CAMK4: variants seen among roughly 807,000 people sequenced by gnomAD.
CAMK4 encodes the protein calcium/calmodulin dependent protein kinase IV, also known as calcium/calmodulin-dependent protein kinase type IV.
CAMK4 carries 22 observed loss-of-function variants against 44.9 expected under a neutral mutation model. The observed-to-expected ratio is 0.49, with a 90% confidence interval of 0.35 to 0.70. The LOEUF (loss-of-function observed/expected upper bound fraction) is 0.70. Ranked by LOEUF, CAMK4 falls within the 30% of genes least tolerant of loss-of-function variation. The pLI is 0.01. For synonymous variants in CAMK4, 218 were observed against 215.4 expected, an observed-to-expected ratio of 1.01 and a Z score of -0.11; for missense variants, 498 against 586.8, an observed-to-expected ratio of 0.85 and a Z score of 1.56.
chr5:111,484,051 C>A lies in CAMK4; in HGVS notation c.1007C>A (p.Ser336Tyr). The A allele has an allele frequency of 1.3e-6, 2 of 1,599,098 alleles. No homozygotes were observed. Among genetic ancestry groups the A allele is most frequent in the Non-Finnish European group, 1.7e-6 (2 of 1,172,406 alleles). ...LKAAVKAVVASSRLGSASSSH... is the reference protein window; with the variant it reads ...LKAAVKAVVAYSRLGSASSSH... ...GCAGCGGTGAAGGCTGTGGTGGCCTCTTCGCGCCTGGGAAGTGCCAGCAGC... is the reference window on the plus strand; with the variant it reads ...GCAGCGGTGAAGGCTGTGGTGGCCTATTCGCGCCTGGGAAGTGCCAGCAGC... Residue 336 changes from serine (S) to tyrosine (Y), a missense_variant, in exon 11 of 11, where the codon TCT (serine) becomes TAT (tyrosine). Ser to Tyr is a moderately radical substitution (Grantham distance 144). Around this residue, in one of 3 missense-constraint regions of CAMK4, gnomAD observed 203 missense variants for 298.2 expected, o/e 0.68. Transcript: ENST00000282356. This position sits in a 1 kb window ranked among gnomAD's most constrained non-coding sequence, Gnocchi z 5.3.
chr5:111,336,771 A>C (rs1415081415), intron 1 of CAMK4, among the ~76,000 whole-genome samples: 2 of 151,186 alleles, frequency 1.3e-5, no homozygotes, highest in African/African-American at 4.8e-5. Flanking sequence ...TTCCATAAGA[A>C]TGAAAATTAG....
At chr5:111,339,197 T>A (rs1338193485) in intron 1 of CAMK4, among the ~76,000 whole-genome samples, 2 of 151,364 alleles carry the variant, frequency 1.3e-5, no homozygotes, top group African/African-American at 4.8e-5. Flanking sequence ...ATTCTGCTGA[T>A]TGTCTCCTTG....
intron 5 of CAMK4, among the ~76,000 whole-genome samples, chr5:111,395,443 G>T (rs78602075): frequency 0.035 from 5,133 of 147,590 alleles, 112 homozygotes; most frequent in South Asian, 0.068. Flanking sequence ...GAGTTTGTTT[G>T]TTCATTGCTT....
chr5:111,420,474 A>C (rs755353319), intron 5 of CAMK4, among the ~76,000 whole-genome samples: 1 of 152,096 alleles, frequency 6.6e-6, no homozygotes, highest in African/African-American at 2.4e-5. Flanking sequence ...TTCCAACACT[A>C]TATTGAATAG....
chr5:111,238,924 C>G (rs183485424), intron 1 of CAMK4, among the ~76,000 whole-genome samples: 1 of 148,170 alleles, frequency 6.7e-6, no homozygotes, highest in Non-Finnish European at 1.5e-5. Context: ...CACTTCCACT[C>G]GTGCCTTCCA....
chr5:111,266,406 G>T (rs139227129), intron 1 of CAMK4, among the ~76,000 whole-genome samples: 115 of 151,828 alleles, frequency 7.6e-4, no homozygotes, highest in African/African-American at 2.7e-3. Context: ...TTGCTTTTTG[G>T]TGTATTTTAC....
At position 111,492,845 on chromosome 5, in the gene CAMK4, T is replaced by TA. The variant is rs2112522039; in HGVS notation, c.*8379_*8380insA. The TA allele has an allele frequency of 6.6e-6, 1 of 152,206 alleles. No homozygotes were observed. Among genetic ancestry groups the TA allele is most frequent in the South Asian group, 2.1e-4 (1 of 4,828 alleles). The allele number at this position is 152,206 out of a possible 1,614,324, so 9.4% of individuals were successfully genotyped here. A position where few individuals can be genotyped will look rare whatever the true frequency, so the allele number is the denominator to read the frequency against. The stretch of plus-strand genomic sequence containing the variant: ...ATACAACCTGTACATATATAACCTA[T>TA]GCTGCATTTAGGCAGATGATAAGCC... On this transcript the variant is annotated 3_prime_UTR_variant, in exon 11 of 11. Coordinates refer to ENST00000282356, the MANE Select transcript of CAMK4 (RefSeq NM_001744.6).
chr5:111,301,621 G>A (rs151162628), intron 1 of CAMK4, among the ~76,000 whole-genome samples: 81 of 152,254 alleles, frequency 5.3e-4, no homozygotes, highest in African/African-American at 1.7e-3. Context: ...GGGTACCAGC[G>A]TCTGGATAAC....
chr5:111,479,154 C>T (rs994761285), intron 9 of CAMK4, among the ~76,000 whole-genome samples: 1 of 152,176 alleles, frequency 6.6e-6, no homozygotes, highest in Non-Finnish European at 1.5e-5. Flanking sequence ...GCTGGGATTA[C>T]AGATGTGAGC....
At chr5:111,382,783 A>G (rs984134685) in intron 4 of CAMK4, among the ~76,000 whole-genome samples, 1 of 152,172 alleles carries the variant, frequency 6.6e-6, no homozygotes, top group South Asian at 2.1e-4. Flanking sequence ...CAAAGTATAT[A>G]ATTTTGCTAC....
chr5:111,395,230 A>AAAAG (rs1751959519), intron 5 of CAMK4, among the ~76,000 whole-genome samples: 1 of 106,456 alleles, frequency 9.4e-6, no homozygotes, highest in Non-Finnish European at 1.8e-5. Context: ...AAAAAAAAGA[A>AAAAG]AAAAAAAAAG....
At chr5:111,474,409 C>T (rs1755166465) in intron 8 of CAMK4, among the ~76,000 whole-genome samples, 1 of 152,154 alleles carries the variant, frequency 6.6e-6, no homozygotes, top group Non-Finnish European at 1.5e-5. Context: ...CTCACGGTGT[C>T]CTCACATGAT....
chr5:111,327,412 G>T (rs1291445067), intron 1 of CAMK4, among the ~76,000 whole-genome samples: 1 of 151,802 alleles, frequency 6.6e-6, no homozygotes, highest in Non-Finnish European at 1.5e-5. Flanking sequence ...CTGTCGTTGT[G>T]GGACATTTGG....
chr5:111,452,624 A>G (rs1219054160), intron 7 of CAMK4, among the ~76,000 whole-genome samples: 1 of 152,238 alleles, frequency 6.6e-6, no homozygotes, highest in Non-Finnish European at 1.5e-5. Context: ...TTTTTAAAAT[A>G]TTTAAAAATT....
intron 1 of CAMK4, among the ~76,000 whole-genome samples, chr5:111,339,712 C>T (rs1359626307): frequency 6.6e-6 from 1 of 151,048 alleles, no homozygotes; most frequent in Non-Finnish European, 1.5e-5. Context: ...TATTTGGGGT[C>T]TTTTGTGATT....
intron 1 of CAMK4, among the ~76,000 whole-genome samples, chr5:111,253,048 T>G (rs1420834247): frequency 6.6e-6 from 1 of 152,250 alleles, no homozygotes; most frequent in Non-Finnish European, 1.5e-5. Flanking sequence ...CTTTCTTATC[T>G]ACAGAGAACT....
At chr5:111,341,576 C>T (rs1236857489) in intron 1 of CAMK4, among the ~76,000 whole-genome samples, 1 of 150,690 alleles carries the variant, frequency 6.6e-6, no homozygotes, top group Non-Finnish European at 1.5e-5. Context: ...TAAAATTACA[C>T]TAGGAATACA....
At chr5:111,315,063 T>C (rs1018608615) in intron 1 of CAMK4, among the ~76,000 whole-genome samples, 3 of 152,260 alleles carry the variant, frequency 2.0e-5, no homozygotes, top group Middle Eastern at 3.4e-3. Context: ...GGTAAACAAA[T>C]TGTTACCTTG....
chr5:111,445,462 T>C (rs527449548), intron 5 of CAMK4, among the ~76,000 whole-genome samples: 2 of 152,144 alleles, frequency 1.3e-5, no homozygotes, highest in Non-Finnish European at 1.5e-5. Flanking sequence ...AGGGTCTTGC[T>C]CTATCACCCA....
Sources: allele counts gnomAD v4.1 joint callset (sites outside exome capture counted in the v4.1 genomes callset), GRCh38; gene constraint gnomAD v4.1.1; regional missense constraint gnomAD v4.1.1; non-coding constraint Gnocchi (gnomAD v3.1); transcripts MANE v1.5; gene names NCBI Gene and HGNC (gene_info 2026-07-23, HGNC 2026-07-21).